FOXP1: variants seen among roughly 807,000 people sequenced by gnomAD.
FOXP1 encodes forkhead box protein P1.
Under a neutral mutation model 98.2 loss-of-function variants are expected in FOXP1, and 15 were observed. That is an observed-to-expected ratio of 0.15 (90% CI 0.10 to 0.24). The LOEUF is 0.24. FOXP1 is among the 10% of genes least tolerant of loss of function. The pLI is 1.00. For missense variants in FOXP1, 633 were observed against 848.5 expected (o/e 0.75, Z 3.15); for synonymous variants, 371 against 314.5 (o/e 1.18, Z -1.90).
At chr3:71,007,784 T>G (rs1415020145) in intron 12 of FOXP1, among the ~76,000 whole-genome samples, 1 of 152,166 alleles carries the variant, frequency 6.6e-6, no homozygotes, top group Non-Finnish European at 1.5e-5. Flanking sequence ...AAAAGTAAAA[T>G]TCACAGAAAA....
intron 6 of FOXP1, among the ~76,000 whole-genome samples, chr3:71,134,522 G>A (rs1307026699): frequency 6.6e-6 from 1 of 152,140 alleles, no homozygotes; most frequent in African/African-American, 2.4e-5. Flanking sequence ...TTCATATATA[G>A]CCAAGGAAAT....
At chr3:71,060,265 A>C (rs1559842572) in intron 7 of FOXP1, among the ~76,000 whole-genome samples, 1 of 152,138 alleles carries the variant, frequency 6.6e-6, no homozygotes, top group South Asian at 2.1e-4. Context: ...TTACAACTCA[A>C]CTTTCTCAAA....
At chr3:71,159,146 A>C (rs936742596) in intron 6 of FOXP1, among the ~76,000 whole-genome samples, 2 of 151,306 alleles carry the variant, frequency 1.3e-5, no homozygotes, top group African/African-American at 4.8e-5. Context: ...GTACTTCAAA[A>C]TTAAAAGAAA....
intron 4 of FOXP1, among the ~76,000 whole-genome samples, chr3:71,348,555 G>A (rs562443945): frequency 4.1e-4 from 52 of 126,272 alleles, no homozygotes; most frequent in African/African-American, 5.7e-4. Flanking sequence ...GTGTGCGTGC[G>A]CGCGCGCACG....
At chr3:71,058,779 T>G (rs991494799) in intron 7 of FOXP1, among the ~76,000 whole-genome samples, 6 of 151,964 alleles carry the variant, frequency 3.9e-5, no homozygotes, top group Admixed American at 3.3e-4. Flanking sequence ...AAGCTTCTAT[T>G]TCTCCATGGT....
intron 6 of FOXP1, among the ~76,000 whole-genome samples, chr3:71,153,779 T>C (rs2060689267): frequency 6.6e-6 from 1 of 152,200 alleles, no homozygotes; most frequent in Non-Finnish European, 1.5e-5. Flanking sequence ...CCTGATGAGA[T>C]AGCACCTCCA....
intron 3 of FOXP1, among the ~76,000 whole-genome samples, chr3:71,436,616 C>T (rs913377613): frequency 1.3e-5 from 2 of 151,910 alleles, no homozygotes; most frequent in Non-Finnish European, 2.9e-5. Context: ...TCACATAGGC[C>T]CTTATAATAC....
chr3:71,217,708 G>C (rs1270924976), intron 5 of FOXP1, among the ~76,000 whole-genome samples: 1 of 152,102 alleles, frequency 6.6e-6, no homozygotes, highest in Non-Finnish European at 1.5e-5. Flanking sequence ...GCAGAGAGCA[G>C]GGAAGGGCTG....
At chr3:71,307,472 T>A (rs1034031997) in intron 4 of FOXP1, among the ~76,000 whole-genome samples, 2 of 152,150 alleles carry the variant, frequency 1.3e-5, no homozygotes, top group Non-Finnish European at 2.9e-5. Context: ...AATAAAAAGA[T>A]ACCCAAAGAC....
At chr3:71,471,336 A>G (rs2089325996) in intron 3 of FOXP1, among the ~76,000 whole-genome samples, 1 of 151,896 alleles carries the variant, frequency 6.6e-6, no homozygotes, top group Non-Finnish European at 1.5e-5. Context: ...TTATATGTAT[A>G]TAATTATAAA....
chr3:71,059,199 T>G (rs1357767795), intron 7 of FOXP1, among the ~76,000 whole-genome samples: 1 of 152,198 alleles, frequency 6.6e-6, no homozygotes, highest in East Asian at 1.9e-4. Context: ...GCTATCTTTC[T>G]TTCACAAAAA....
chr3:71,249,032 G>A (rs940756203), intron 5 of FOXP1, among the ~76,000 whole-genome samples: 6 of 152,224 alleles, frequency 3.9e-5, no homozygotes, highest in Non-Finnish European at 7.3e-5. Flanking sequence ...CTTTTGTGTA[G>A]AATTTCTGCA....
intron 6 of FOXP1, among the ~76,000 whole-genome samples, chr3:71,157,480 T>C (rs939391031): frequency 6.6e-6 from 1 of 152,228 alleles, no homozygotes; most frequent in African/African-American, 2.4e-5. Flanking sequence ...AGGTGAAAAT[T>C]AAAGTCAAAT....
chr3:71,060,264 A>T (rs978988287), intron 7 of FOXP1, among the ~76,000 whole-genome samples: 3 of 152,134 alleles, frequency 2.0e-5, no homozygotes, highest in Admixed American at 2.0e-4. Flanking sequence ...ATTACAACTC[A>T]ACTTTCTCAA....
chr3:71,308,319 G>A (rs2074424352), intron 4 of FOXP1, among the ~76,000 whole-genome samples: 1 of 152,060 alleles, frequency 6.6e-6, no homozygotes, highest in Non-Finnish European at 1.5e-5. Context: ...TCATCTCGGC[G>A]GAACAGATGA....
intron 2 of FOXP1, among the ~76,000 whole-genome samples, chr3:71,574,961 C>A (rs897724048): frequency 1.3e-5 from 2 of 152,160 alleles, no homozygotes; most frequent in Non-Finnish European, 2.9e-5. Context: ...AATGGCCAAC[C>A]AATTCAATTA....
chr3:71,521,597 G>A (rs1443202888), intron 2 of FOXP1, among the ~76,000 whole-genome samples: 2 of 152,042 alleles, frequency 1.3e-5, no homozygotes, highest in Non-Finnish European at 1.5e-5. Flanking sequence ...GCCTAAAATT[G>A]TAAATCAATG....
At chr3:71,560,853 A>C (rs2046479871) in intron 2 of FOXP1, among the ~76,000 whole-genome samples, 2 of 152,216 alleles carry the variant, frequency 1.3e-5, no homozygotes, top group African/African-American at 4.8e-5. Flanking sequence ...AGAATAGGCA[A>C]ACCTATAGAA....
intron 5 of FOXP1, 127 bp from the exon 6 acceptor site, chr3:71,198,519 T>G (rs1209070321): frequency 3.7e-6 from 3 of 806,690 alleles, no homozygotes; most frequent in East Asian, 5.2e-5. Context: ...TAAACAGTTG[T>G]CATTTTCTTT....
Sources: allele counts gnomAD v4.1 joint callset (sites outside exome capture counted in the v4.1 genomes callset), GRCh38; gene constraint gnomAD v4.1.1; transcripts MANE v1.5; gene names NCBI Gene and HGNC (gene_info 2026-07-23, HGNC 2026-07-21).